BBS9: variants seen among roughly 807,000 people sequenced by gnomAD.
BBS9 encodes protein PTHB1.
Under a neutral mutation model 117.7 loss-of-function variants are expected in BBS9, and 89 were observed. The ratio of observed to expected loss-of-function variants is 0.76; its 90% CI spans 0.64 to 0.90. The LOEUF is 0.90. BBS9 is among the 40% of genes least tolerant of loss of function. The pLI, the probability that BBS9 is intolerant of heterozygous loss-of-function variation, is 0.00. For missense variants in BBS9, 982 were observed against 1,042.2 expected (o/e 0.94, Z 0.80); for synonymous variants, 379 against 370.9 (o/e 1.02, Z -0.25).
chr7:33,321,439 C>A (rs1811693304), intron 9 of BBS9, among the ~76,000 whole-genome samples: 1 of 151,062 alleles, frequency 6.6e-6, no homozygotes, highest in African/African-American at 2.4e-5. Flanking sequence ...ATTGTAGAGA[C>A]CTTTTATTTC....
At chr7:33,413,115 T>A (rs920036079) in intron 19 of BBS9, among the ~76,000 whole-genome samples, 1 of 152,172 alleles carries the variant, frequency 6.6e-6, no homozygotes, top group African/African-American at 2.4e-5. Context: ...GTAGTTCTGA[T>A]AGCCTTCAAT....
chr7:33,408,289 A>G (rs1399781141), intron 19 of BBS9, among the ~76,000 whole-genome samples: 1 of 152,172 alleles, frequency 6.6e-6, no homozygotes, highest in Admixed American at 6.5e-5. Context: ...AGCCCGTCGG[A>G]AAAGTGCAGT....
chr7:33,281,290 TTTTG>T (rs760978497), intron 9 of BBS9, among the ~76,000 whole-genome samples: 1 of 151,734 alleles, frequency 6.6e-6, no homozygotes, highest in Non-Finnish European at 1.5e-5. Flanking sequence ...ATTTAATTTT[TTTTG>T]TTTGCTTATT....
At chr7:33,552,962 C>T (rs550854145) in intron 21 of BBS9, among the ~76,000 whole-genome samples, 1 of 152,254 alleles carries the variant, frequency 6.6e-6, no homozygotes, top group Admixed American at 6.5e-5. Context: ...TTCTGCTTTA[C>T]CCACACAAAT....
intron 5 of BBS9, among the ~76,000 whole-genome samples, chr7:33,220,809 CA>C (rs984325293): frequency 6.6e-6 from 1 of 152,060 alleles, no homozygotes; most frequent in African/African-American, 2.4e-5. Context: ...GTAATAATAA[CA>C]AAAATGAAAC....
chr7:33,327,867 G>C (rs1449137086), intron 9 of BBS9, among the ~76,000 whole-genome samples: 1 of 152,150 alleles, frequency 6.6e-6, no homozygotes, highest in Non-Finnish European at 1.5e-5. Flanking sequence ...TGGCTCTAAG[G>C]TTCTTTCTGG....
At chr7:33,240,706 C>A (rs1382892510) in intron 5 of BBS9, among the ~76,000 whole-genome samples, 5 of 152,124 alleles carry the variant, frequency 3.3e-5, no homozygotes, top group Non-Finnish European at 7.3e-5. Flanking sequence ...GCATAACTGG[C>A]ATGTTTGTGA....
intron 21 of BBS9, among the ~76,000 whole-genome samples, chr7:33,595,124 T>C (rs1177133258): frequency 2.0e-5 from 3 of 152,098 alleles, no homozygotes; most frequent in Admixed American, 6.6e-5. Context: ...ATTCAAGACA[T>C]AGGCATGGGC....
At chr7:33,432,182 C>T (rs1469465050) in intron 19 of BBS9, among the ~76,000 whole-genome samples, 1 of 151,054 alleles carries the variant, frequency 6.6e-6, no homozygotes, top group Non-Finnish European at 1.5e-5. Context: ...GATCTCGTCT[C>T]ACTGCAAGCT....
intron 19 of BBS9, among the ~76,000 whole-genome samples, chr7:33,493,927 T>C (rs1424851312): frequency 1.3e-5 from 2 of 152,228 alleles, no homozygotes; most frequent in African/African-American, 4.8e-5. Context: ...TAATGCTGAC[T>C]ATCAAACTTC....
At chr7:33,518,611 C>T (rs909072335) in intron 20 of BBS9, among the ~76,000 whole-genome samples, 1 of 152,010 alleles carries the variant, frequency 6.6e-6, no homozygotes, top group Non-Finnish European at 1.5e-5. Flanking sequence ...TCTGATTCAC[C>T]TTTTTGGAAG....
At chr7:33,508,776 C>G (rs1012373843) in intron 20 of BBS9, among the ~76,000 whole-genome samples, 10 of 152,172 alleles carry the variant, frequency 6.6e-5, no homozygotes, top group Non-Finnish European at 1.5e-4. Context: ...GCTCATGAAG[C>G]TGGCCCTGAA....
chr7:33,623,876 G>T lies in BBS9; in HGVS notation c.2522-11301G>T, dbSNP rs7779577. Among the ~76,000 whole-genome samples, 163 of 152,212 alleles carry T rather than the reference G, an allele frequency of 1.1e-3. 4 individuals carry two copies. The South Asian group carries it at 0.032, about 30-fold the overall frequency. On this transcript the variant is annotated intron_variant, in intron 21 of 21. Transcript: ENST00000671952. Reference sequence around the variant, plus strand: ...AGATTAACAAAATTTTTAAATTGAGGTTACTTCTTGGAAGTTGAGGAGAGA... The same window carrying T: ...AGATTAACAAAATTTTTAAATTGAGTTTACTTCTTGGAAGTTGAGGAGAGA...
At chr7:33,347,937 T>TA (rs1406355022) in intron 12 of BBS9, among the ~76,000 whole-genome samples, 5 of 151,890 alleles carry the variant, frequency 3.3e-5, no homozygotes, top group African/African-American at 4.8e-5. Flanking sequence ...TTTTATTTAA[T>TA]TTTTTTTCTC....
chr7:33,131,660 G>A (rs1401019708), intron 1 of BBS9, among the ~76,000 whole-genome samples: 2 of 152,166 alleles, frequency 1.3e-5, no homozygotes, highest in Admixed American at 6.5e-5. Context: ...TTTTTCCACA[G>A]CATTCTTTGG....
intron 19 of BBS9, among the ~76,000 whole-genome samples, chr7:33,443,619 A>G (rs532449462): frequency 4.6e-5 from 7 of 152,238 alleles, no homozygotes; most frequent in Admixed American, 1.3e-4. Flanking sequence ...ATTACACATA[A>G]GCGTGCAGTT....
At chr7:33,226,162 A>G (rs1034292359) in intron 5 of BBS9, among the ~76,000 whole-genome samples, 1 of 152,128 alleles carries the variant, frequency 6.6e-6, no homozygotes, top group Admixed American at 6.5e-5. Flanking sequence ...TTGAAAAGTG[A>G]TCCTTACTCT....
chr7:33,243,742 A>T (rs371836699), intron 5 of BBS9, among the ~76,000 whole-genome samples: 23 of 152,192 alleles, frequency 1.5e-4, no homozygotes, highest in Non-Finnish European at 3.2e-4. Context: ...CTCAATTACT[A>T]TCCTATGTTA....
chr7:33,147,167 T>G (rs1309441047), intron 2 of BBS9, among the ~76,000 whole-genome samples: 1 of 152,204 alleles, frequency 6.6e-6, no homozygotes, highest in Non-Finnish European at 1.5e-5. Flanking sequence ...TTATGCATCT[T>G]CATGTTTTTT....
Sources: allele counts gnomAD v4.1 joint callset (sites outside exome capture counted in the v4.1 genomes callset), GRCh38; gene constraint gnomAD v4.1.1; transcripts MANE v1.5; gene names NCBI Gene and HGNC (gene_info 2026-07-23, HGNC 2026-07-21).